The following FAM219A variants were observed in gnomAD, a reference collection of about 807,000 sequenced individuals.
FAM219A encodes the protein family with sequence similarity 219 member A, also known as protein FAM219A.
A neutral mutation model predicts 23.4 loss-of-function variants in FAM219A; 7 were observed. The observed-to-expected ratio is 0.30, with a 90% CI of 0.17 to 0.56. The LOEUF is 0.56. FAM219A is among the 20% of genes least tolerant of loss of function. The pLI, the probability that FAM219A is intolerant of heterozygous loss-of-function variation, is 0.92. For missense variants in FAM219A, 166 were observed against 246.9 expected, an observed-to-expected ratio of 0.67 and a Z score of 2.20; for synonymous variants, 93 against 99.0, an observed-to-expected ratio of 0.94 and a Z score of 0.36.
chr9:34,458,228 G>C lies in FAM219A; in HGVS notation c.36C>G (p.Thr12=), dbSNP rs758155653. The change falls in exon 1 of 6, where the codon ACC becomes ACG. Residue 12 remains threonine (T), a synonymous_variant. Coordinates refer to ENST00000651358, the MANE Select transcript of FAM219A (RefSeq NM_001184940.2). This position sits in a 1 kb window ranked among gnomAD's most constrained non-coding sequence, Gnocchi z 6.6. ...CCAGCGGCTGCATCTCCGAGTGCGC[G>C]GTGGGCACCTGGAACCGGTCGATCT... is the stretch of plus-strand genomic sequence containing the variant. ...MEEIDRFQVP[T]AHSEMQPLDP... The C allele has an allele frequency of 6.3e-7, 1 of 1,589,954 alleles. No homozygotes were observed. Among genetic ancestry groups the C allele is most frequent in the South Asian group, 1.1e-5 (1 of 88,352 alleles).
At chr9:34,403,957 G>A (rs964382882) in intron 2 of FAM219A, among the ~76,000 whole-genome samples, 1 of 152,176 alleles carries the variant, frequency 6.6e-6, no homozygotes, top group Non-Finnish European at 1.5e-5. Context: ...GGTGGCAGCT[G>A]CCATTACCAC....
rs1005413725 is a variant in FAM219A at position 34,398,388 on chromosome 9, G to A, written c.*2576C>T. 6.5e-7 allele frequency: 1 copy of A among 1,550,082 alleles called. No individual in the cohort carries two copies. The highest frequency in any genetic ancestry group is 8.7e-7 in the Non-Finnish European group (1 of 1,146,586). ...TGAGAGAGGAGGGAGTGTTAAGGCA[G>A]TATCTACAAGGGGAAGGGTGGCAGG... On this transcript the variant is annotated 3_prime_UTR_variant, in exon 6 of 6. Coordinates refer to ENST00000651358, the MANE Select transcript of FAM219A (RefSeq NM_001184940.2).
At chr9:34,403,858 T>C (rs1386412522) in intron 2 of FAM219A, among the ~76,000 whole-genome samples, 1 of 152,236 alleles carries the variant, frequency 6.6e-6, no homozygotes, top group Non-Finnish European at 1.5e-5. Context: ...CCTGACCTCA[T>C]GTCTCTGAAT....
intron 2 of FAM219A, among the ~76,000 whole-genome samples, chr9:34,404,720 A>G (rs1014729168): frequency 6.6e-6 from 1 of 152,158 alleles, no homozygotes; most frequent in African/African-American, 2.4e-5. Flanking sequence ...AACAACAACA[A>G]CAACAACAAC....
intron 1 of FAM219A, among the ~76,000 whole-genome samples, chr9:34,416,511 C>A (rs1440130061): frequency 6.6e-6 from 1 of 152,068 alleles, no homozygotes; most frequent in East Asian, 1.9e-4. Flanking sequence ...CGCCTGTAAT[C>A]CCAGCACTTT....
At chr9:34,430,636 CAAAAA>C (rs757627612) in intron 1 of FAM219A, among the ~76,000 whole-genome samples, 25 of 56,272 alleles carry the variant, frequency 4.4e-4, no homozygotes, top group South Asian at 1.7e-3. Flanking sequence ...GACTCCGTCT[CAAAAA>C]AAAAAAAAAA....
intron 1 of FAM219A, chr9:34,406,294 A>G (rs772497177): frequency 1.8e-4 from 179 of 985,220 alleles, no homozygotes; most frequent in Non-Finnish European, 2.1e-4. Flanking sequence ...CCATACTAGT[A>G]GCCCTTCCCC....
intron 5 of FAM219A, 68 bp from the exon 6 acceptor site, chr9:34,401,190 C>T (rs902299109): frequency 5.8e-5 from 91 of 1,563,952 alleles, no homozygotes; most frequent in Non-Finnish European, 7.9e-5. Context: ...TCTGCGGCCA[C>T]TCCAGGCCGT....
rs1212717447 is a variant in FAM219A, at chr9:34,458,424, G to A, written c.-161C>T. 1 of 386,122 alleles carries A rather than the reference G, an allele frequency of 2.6e-6. No homozygotes were observed. The highest frequency in any genetic ancestry group is 4.3e-6 in the Non-Finnish European group (1 of 232,816). 23.9% of individuals were successfully genotyped at this position (386,122 alleles called of 1,614,324 possible). ...GGCGGATGCAGGGGTGGGCGGGGGC[G>A]AGAGGTTCGCAGACTGGCTGAGGCC... On this transcript the variant is annotated 5_prime_UTR_variant, in exon 1 of 6. Transcript: ENST00000651358. This position sits in a 1 kb window ranked among gnomAD's most constrained non-coding sequence, Gnocchi z 6.6.
chr9:34,425,799 TA>T (rs55886425), intron 1 of FAM219A, among the ~76,000 whole-genome samples: 15 of 150,750 alleles, frequency 1.0e-4, no homozygotes, highest in East Asian at 3.9e-4. Flanking sequence ...CTGCATTATT[TA>T]AAAAAAAAAT....
Position 34,402,822 on chromosome 9 carries a change from GGGAA to G in FAM219A, c.161-19_161-16del. ...CCGCTGCTTCTCTGCAGGAGAACAT[GGGAA>G]GGAAGCTGTGTCCTGCCCCTGAGGC... On this transcript the variant is annotated splice_polypyrimidine_tract_variant and intron_variant, in intron 2 of 5. Coordinates refer to ENST00000651358, the MANE Select transcript of FAM219A (RefSeq NM_001184940.2). 1 of 1,612,900 alleles carries G rather than the reference GGGAA, an allele frequency of 6.2e-7. No homozygotes were observed. The highest frequency in any genetic ancestry group is 8.5e-7 in the Non-Finnish European group (1 of 1,179,126).
At chr9:34,438,980 G>A (rs1438728555) in intron 1 of FAM219A, among the ~76,000 whole-genome samples, 1 of 152,236 alleles carries the variant, frequency 6.6e-6, no homozygotes, top group Non-Finnish European at 1.5e-5. Context: ...AAGGTCTGCA[G>A]CTTCACTCCT....
chr9:34,418,598 C>A (rs998563902), intron 1 of FAM219A, among the ~76,000 whole-genome samples: 3 of 152,184 alleles, frequency 2.0e-5, no homozygotes, highest in African/African-American at 7.2e-5. Context: ...GATGCTCCTG[C>A]CTTACATTTG....
rs2131920831 is a variant in FAM219A, at chr9:34,401,176, C to A, written c.400-54G>T. The A allele has an allele frequency of 2.5e-6, 4 of 1,592,830 alleles. 1 individual carries two copies. The Middle Eastern group carries it at 5.0e-4, about 199-fold the overall frequency. On this transcript the variant is annotated intron_variant, in intron 5 of 5. Coordinates refer to ENST00000651358, the MANE Select transcript of FAM219A (RefSeq NM_001184940.2). Reference sequence around the variant, plus strand: ...CCGAGCGGCAGGGAGGCACCACCCACAGCTCTGCGGCCACTCCAGGCCGTC... The same window carrying A: ...CCGAGCGGCAGGGAGGCACCACCCAAAGCTCTGCGGCCACTCCAGGCCGTC...
At chr9:34,406,374 G>A in intron 1 of FAM219A, 1 of 985,386 alleles carries the variant, frequency 1.0e-6, no homozygotes, top group South Asian at 4.7e-5. Context: ...CTGGGTTAAG[G>A]GGAGAGCAGG....
At chr9:34,401,194 A>G (rs1159946849) in intron 5 of FAM219A, 72 bp from the exon 6 acceptor site, 1 of 1,552,670 alleles carries the variant, frequency 6.4e-7, no homozygotes, top group African/African-American at 1.4e-5. Context: ...CGGCCACTCC[A>G]GGCCGTCTGC....
chr9:34,416,316 A>C (rs1822029604), intron 1 of FAM219A, among the ~76,000 whole-genome samples: 1 of 151,804 alleles, frequency 6.6e-6, no homozygotes, highest in Admixed American at 6.6e-5. Context: ...GGAACGAAGG[A>C]AGGAAGGAAG....
At chr9:34,451,677 G>T (rs1032168398) in intron 1 of FAM219A, among the ~76,000 whole-genome samples, 13 of 152,164 alleles carry the variant, frequency 8.5e-5, no homozygotes, top group Admixed American at 1.3e-4. Context: ...GGCAGCTGGG[G>T]CTGGGAATGA....
Position 34,403,380 on chromosome 9 carries a change from C to G in FAM219A, c.161-573G>C, listed in dbSNP as rs141273976. On this transcript the variant is annotated intron_variant, in intron 2 of 5. Coordinates refer to ENST00000651358, the MANE Select transcript of FAM219A (RefSeq NM_001184940.2). ...CGAAGACCCTCTCTGGTTACAAACTCAGAACATGAAGGACTTGAATGCCAG... is the reference window on the plus strand; with the variant it reads ...CGAAGACCCTCTCTGGTTACAAACTGAGAACATGAAGGACTTGAATGCCAG... Among the ~76,000 whole-genome samples, 726 of 152,330 alleles carry G rather than the reference C, an allele frequency of 4.8e-3. 7 individuals carry two copies. The highest frequency in any genetic ancestry group is 0.016 in the African/African-American group (655 of 41,576).
Sources: gnomAD v4.1 joint callset for allele counts (sites outside exome capture counted in the v4.1 genomes callset) on GRCh38, gnomAD v4.1.1 for gene constraint, Gnocchi (gnomAD v3.1) non-coding constraint, MANE v1.5 for transcripts, NCBI Gene and HGNC (gene_info 2026-07-23, HGNC 2026-07-21) for gene names.